Variants in CHAMP1 observed in about 807,000 individuals in gnomAD.
CHAMP1 encodes the protein chromosome alignment-maintaining phosphoprotein 1.
Under a neutral mutation model 54.5 loss-of-function variants are expected in CHAMP1, and 4 were observed. The observed-to-expected ratio is 0.07, with a 90% CI of 0.04 to 0.17. The LOEUF (loss-of-function observed/expected upper bound fraction) is 0.17, where lower values mean the gene tolerates loss of function less well. CHAMP1 is among the 10% of genes least tolerant of loss of function. The pLI, the probability that CHAMP1 is intolerant of heterozygous loss-of-function variation, is 1.00. For missense variants in CHAMP1, 994 were observed against 968.6 expected (o/e 1.03, Z -0.35); for synonymous variants, 368 against 342.2 (o/e 1.08, Z -0.83).
chr13:114,326,548 A>G lies in CHAMP1; in HGVS notation c.*267A>G. The G allele has an allele frequency of 3.2e-6, 1 of 313,842 alleles. No homozygotes were observed. Among genetic ancestry groups the G allele is most frequent in the Non-Finnish European group, 6.1e-6 (1 of 164,440 alleles). The allele number at this position is 313,842 out of a possible 1,614,324, so 19.4% of individuals were successfully genotyped here. On this transcript the variant is annotated 3_prime_UTR_variant, in exon 3 of 3. Coordinates refer to ENST00000361283, the MANE Select transcript of CHAMP1 (RefSeq NM_032436.4). The stretch of plus-strand genomic sequence containing the variant: ...TTAAATATGTATGAATAATAATACA[A>G]GGAAGTAGGCATTCCATTTAATAAT...
intron 1 of CHAMP1, among the ~76,000 whole-genome samples, chr13:114,318,097 T>C (rs56900799): frequency 0.01 from 1,529 of 152,276 alleles, 16 homozygotes; most frequent in African/African-American, 0.026. Flanking sequence ...CTGTAACATC[T>C]TCGTGGATCG....
chr13:114,315,255 TA>T (rs145581765), intron 1 of CHAMP1, among the ~76,000 whole-genome samples: 3,538 of 151,828 alleles, frequency 0.023, 130 homozygotes, highest in African/African-American at 0.081. Context: ...GGGTGGCTAT[TA>T]AAAAAAAGGG....
chr13:114,322,770 G>C (rs575110677), intron 2 of CHAMP1: 1 of 152,272 alleles, frequency 6.6e-6, no homozygotes, highest in Admixed American at 6.5e-5. Context: ...CAGATAATAT[G>C]TTTAATATCC....
intron 1 of CHAMP1, 104 bp from the exon 2 acceptor site, chr13:114,321,006 A>G (rs2087162053): frequency 6.7e-6 from 1 of 150,186 alleles, no homozygotes; most frequent in African/African-American, 2.4e-5. Flanking sequence ...TCTCACTGTT[A>G]GGGCAGGATG....
chr13:114,315,010 A>G (rs1030981560), intron 1 of CHAMP1, among the ~76,000 whole-genome samples: 1 of 152,214 alleles, frequency 6.6e-6, no homozygotes, highest in Non-Finnish European at 1.5e-5. Context: ...ACAGCCTCCA[A>G]AGTGGGAGAG....
intron 2 of CHAMP1, 134 bp from the exon 3 acceptor site, chr13:114,323,654 A>T: frequency 1.4e-6 from 1 of 691,486 alleles, no homozygotes; most frequent in Non-Finnish European, 2.2e-6. Flanking sequence ...TTTTTCTTCA[A>T]ATTCTCCCTA....
In CHAMP1 at chr13:114,325,082, C is replaced by G. The variant is rs2087227226; in HGVS notation, c.1240C>G (p.Pro414Ala). 1.9e-6 allele frequency: 3 copies of G among 1,614,036 alleles called. No homozygotes were observed. In the Admixed American group the frequency reaches 5.0e-5, roughly 27 times the overall value. ...TCCTGAACATTGGAAGGCAGTTCCC[C>G]CAGTGTCTCCAGAGCTTCGCAAACC... ...LSPEHWKAVP[P>A]VSPELRKPGP... The change falls in exon 3 of 3, where the codon CCA becomes GCA. Residue 414 changes from proline (P) to alanine (A), a missense_variant. Pro to Ala is a conservative substitution (Grantham distance 27). Around this residue, in one of 3 missense-constraint regions of CHAMP1, gnomAD observed 851 missense variants for 701.3 expected, o/e 1.21. Transcript: ENST00000361283.
chr13:114,325,123 C>T lies in CHAMP1; in HGVS notation c.1281C>T (p.Ser427=). ...PELRKPGPPL[S]PEIRSPAGSP... ...TTCGCAAACCCGGCCCACCACTATC[C>T]CCAGAGATCCGTAGTCCAGCAGGAT... The change falls in exon 3 of 3, where the codon TCC becomes TCT. Residue 427 remains serine (S), a synonymous_variant. Transcript: ENST00000361283. 6.2e-7 allele frequency: 1 copy of T among 1,614,112 alleles called. No individual in the cohort carries two copies. Among genetic ancestry groups the T allele is most frequent in the Non-Finnish European group, 8.5e-7 (1 of 1,180,026 alleles).
rs1428903324 is a variant in CHAMP1, at chr13:114,326,087, T to C, written c.2245T>C (p.Leu749=). The C allele has an allele frequency of 4.3e-6, 7 of 1,612,018 alleles. No homozygotes were observed. In the African/African-American group the frequency reaches 6.7e-5, roughly 15 times the overall value. ...KCTICGKAFL[L]ESLLKNHVAA... is the part of the protein sequence containing the mutation. ...CACAATCTGTGGAAAGGCTTTTCTTTTGGAATCTCTCCTTAAAAATCATGT... is the reference window on the plus strand; with the variant it reads ...CACAATCTGTGGAAAGGCTTTTCTTCTGGAATCTCTCCTTAAAAATCATGT... Residue 749 remains leucine, a synonymous_variant, in exon 3 of 3, where the codon TTG becomes CTG. Coordinates refer to ENST00000361283, the MANE Select transcript of CHAMP1 (RefSeq NM_032436.4).
At chr13:114,323,753 G>A in intron 2 of CHAMP1, 35 bp from the exon 3 acceptor site, 4 of 1,476,800 alleles carry the variant, frequency 2.7e-6, no homozygotes, top group Non-Finnish European at 3.6e-6. Context: ...CAGAATTACA[G>A]TTCATGAAAA....
intron 1 of CHAMP1, among the ~76,000 whole-genome samples, chr13:114,317,818 G>T (rs941317367): frequency 1.3e-5 from 2 of 152,308 alleles, no homozygotes; most frequent in East Asian, 3.9e-4. Flanking sequence ...AAATAGGTAT[G>T]ATACACCATC....
At chr13:114,323,281 G>A (rs1009107320) in intron 2 of CHAMP1, 1 of 152,278 alleles carries the variant, frequency 6.6e-6, no homozygotes, top group South Asian at 2.1e-4. Context: ...CCAGCATCAT[G>A]TTTTAAAGTC....
chr13:114,327,070 A>C lies in CHAMP1; in HGVS notation c.*789A>C, dbSNP rs2087260763. The C allele has an allele frequency of 6.5e-6, 1 of 154,722 alleles. No individual in the cohort carries two copies. The highest frequency in any genetic ancestry group is 8.0e-5 in the Admixed American group (1 of 12,550). 9.6% of individuals were successfully genotyped at this position (154,722 alleles called of 1,614,324 possible). A position where few individuals can be genotyped will look rare whatever the true frequency, so the allele number is the denominator to read the frequency against. On this transcript the variant is annotated 3_prime_UTR_variant, in exon 3 of 3. Coordinates refer to ENST00000361283, the MANE Select transcript of CHAMP1 (RefSeq NM_032436.4). Reference sequence around the variant, plus strand: ...GATTCTTAATTGCCAAATGTGTTAGAGTTTGTATATCCTACTCCTGGGCCT... The same window carrying C: ...GATTCTTAATTGCCAAATGTGTTAGCGTTTGTATATCCTACTCCTGGGCCT...
rs61608366 is a variant in CHAMP1 at position 114,326,656 on chromosome 13, A to T, written c.*375A>T. The T allele has an allele frequency of 0.02, 3,616 of 178,414 alleles. 136 individuals carry two copies. The highest frequency in any genetic ancestry group is 0.081 in the African/African-American group (3,425 of 42,060). The allele number at this position is 178,414 out of a possible 1,614,324, so 11.1% of individuals were successfully genotyped here. A position where few individuals can be genotyped will look rare whatever the true frequency, so the allele number is the denominator to read the frequency against. ...TTCAGACAATAGAAAATATTAGTTG[A>T]AATGTTTAAGAATTAGGCATGAAAA... On this transcript the variant is annotated 3_prime_UTR_variant, in exon 3 of 3. Coordinates refer to ENST00000361283, the MANE Select transcript of CHAMP1 (RefSeq NM_032436.4).
rs782305768 is a variant in CHAMP1 at position 114,325,631 on chromosome 13, C to G, written c.1789C>G (p.Gln597Glu). 58 of 1,614,048 alleles carry G rather than the reference C, an allele frequency of 3.6e-5. 1 individual carries two copies. The highest frequency in any genetic ancestry group is 8.8e-5 in the South Asian group (8 of 91,084). Reference sequence around the variant, plus strand: ...TGATCAAAAATGTGATATTTTGGTTCAGGAAGAACTTCTAGCTTCACCTAA... The same window carrying G: ...TGATCAAAAATGTGATATTTTGGTTGAGGAAGAACTTCTAGCTTCACCTAA... ...IDDQKCDILV[Q>E]EELLASPKKL... The change falls in exon 3 of 3, where the codon CAG (glutamine) becomes GAG (glutamate). Residue 597 changes from glutamine (Q) to glutamate (E), a missense_variant. This residue lies in a region of CHAMP1 where 851 missense variants were observed against 701.3 expected (regional missense o/e 1.21). Coordinates refer to ENST00000361283, the MANE Select transcript of CHAMP1 (RefSeq NM_032436.4).
rs782782357 is a variant in CHAMP1 at position 114,325,074 on chromosome 13, C to T, written c.1232C>T (p.Ala411Val). 3 of 1,614,166 alleles carry T rather than the reference C, an allele frequency of 1.9e-6. No individual in the cohort carries two copies. The highest frequency in any genetic ancestry group is 2.5e-6 in the Non-Finnish European group (3 of 1,180,044). Residue 411 changes from alanine (A) to valine (V), a missense_variant, in exon 3 of 3, where the codon GCA becomes GTA. Coordinates refer to ENST00000361283, the MANE Select transcript of CHAMP1 (RefSeq NM_032436.4). ...ACGTTGTCTCCTGAACATTGGAAGG[C>T]AGTTCCCCCAGTGTCTCCAGAGCTT... ...APTLSPEHWK[A>V]VPPVSPELRK... is the part of the protein sequence containing the mutation.
rs11839642 is a variant in CHAMP1, at chr13:114,320,107, A to G, written c.-178-1003A>G. Among the ~76,000 whole-genome samples the G allele has an allele frequency of 4.2e-3, 634 of 152,302 alleles. 6 individuals are homozygous for G. Among genetic ancestry groups the G allele is most frequent in the African/African-American group, 0.014 (587 of 41,562 alleles). ...TAGTGGCAGGGAGTTCAGATGTCAG[A>G]ATTAAAGCAGTGATAGGGGTAGGGG... On this transcript the variant is annotated intron_variant, in intron 1 of 2. Coordinates refer to ENST00000361283, the MANE Select transcript of CHAMP1 (RefSeq NM_032436.4).
At chr13:114,323,714 G>A (rs1322380598) in intron 2 of CHAMP1, 74 bp from the exon 3 acceptor site, 6 of 1,210,882 alleles carry the variant, frequency 5.0e-6, no homozygotes, top group Non-Finnish European at 6.8e-6. Flanking sequence ...AAATTATGCA[G>A]TTATAGAATG....
At position 114,325,040 on chromosome 13, in the gene CHAMP1, A is replaced by G. The variant is rs1594130625; in HGVS notation, c.1198A>G (p.Thr400Ala). ...WKSGPPELRK[T>A]APTLSPEHWK... Reference sequence around the variant, plus strand: ...GTCTGGCCCACCAGAACTCCGAAAGACAGCTCCCACGTTGTCTCCTGAACA... The same window carrying G: ...GTCTGGCCCACCAGAACTCCGAAAGGCAGCTCCCACGTTGTCTCCTGAACA... Residue 400 changes from threonine to alanine, a missense_variant, in exon 3 of 3, where the codon ACA becomes GCA. By Grantham distance (58) the Thr-to-Ala change is moderately conservative. Coordinates refer to ENST00000361283, the MANE Select transcript of CHAMP1 (RefSeq NM_032436.4). The G allele has an allele frequency of 1.2e-6, 2 of 1,614,010 alleles. No individual in the cohort carries two copies. The highest frequency in any genetic ancestry group is 1.7e-6 in the Non-Finnish European group (2 of 1,179,992).
Sources: gnomAD v4.1 joint callset for allele counts (sites outside exome capture counted in the v4.1 genomes callset) on GRCh38, gnomAD v4.1.1 for gene constraint, gnomAD v4.1.1 regional missense constraint, MANE v1.5 for transcripts, NCBI Gene and HGNC (gene_info 2026-07-23, HGNC 2026-07-21) for gene names.